The following POLR3A variants were observed in gnomAD, a reference collection of about 807,000 sequenced individuals.
The protein encoded by POLR3A is RNA polymerase III subunit A.
POLR3A carries 112 observed loss-of-function variants against 152.8 expected under a neutral mutation model. The observed-to-expected ratio is 0.73, with a 90% confidence interval of 0.63 to 0.86. POLR3A has a LOEUF of 0.86. POLR3A is among the 40% of genes least tolerant of loss of function. The pLI is 0.00. For synonymous variants in POLR3A, 615 were observed against 652.1 expected (o/e 0.94, Z 0.87); for missense variants, 1,385 against 1,743.1 (o/e 0.79, Z 3.66).
Position 78,025,153 on chromosome 10 carries a change from T to C in POLR3A, c.319-11A>G. The C allele has an allele frequency of 6.2e-7, 1 of 1,614,012 alleles. No homozygotes were observed. On this transcript the variant is annotated splice_polypyrimidine_tract_variant and intron_variant, in intron 3 of 30. Transcript: ENST00000372371. The stretch of plus-strand genomic sequence containing the variant: ...GGTTTTGCAGATCATCTTTTTCAAA[T>C]TAAGCAAGACAGATAAAAGCATAAG...
At chr10:78,026,528 C>T (rs1847636360) in intron 1 of POLR3A, among the ~76,000 whole-genome samples, 1 of 152,224 alleles carries the variant, frequency 6.6e-6, no homozygotes, top group African/African-American at 2.4e-5. Context: ...GCACTGGCAG[C>T]ACCCTGCCCA....
chr10:78,004,142 G>A (rs1390683616), intron 16 of POLR3A, among the ~76,000 whole-genome samples: 1 of 152,116 alleles, frequency 6.6e-6, no homozygotes, highest in Non-Finnish European at 1.5e-5. Flanking sequence ...GGTGAGGCAG[G>A]AGAATTGCTT....
In POLR3A at chr10:77,978,659, A is replaced by AG. The variant is rs796881060; in HGVS notation, c.4025-1034dup. Among the ~76,000 whole-genome samples the AG allele has an allele frequency of 1.6e-4, 22 of 138,852 alleles. 1 individual carries two copies. Among genetic ancestry groups the AG allele is most frequent in the African/African-American group, 5.0e-4 (18 of 35,694 alleles). 91.1% of individuals were successfully genotyped at this position (138,852 alleles called of 152,430 possible). A position where few individuals can be genotyped will look rare whatever the true frequency, so the allele number is the denominator to read the frequency against. ...GCTCCTTTTCTTTTCCCTTCATGCTAGTTTTTTTTTTTTTTTTTTGAGACG... is the reference window on the plus strand; with the variant it reads ...GCTCCTTTTCTTTTCCCTTCATGCTAGGTTTTTTTTTTTTTTTTTTGAGACG... On this transcript the variant is annotated intron_variant, in intron 30 of 30. Coordinates refer to ENST00000372371, the MANE Select transcript of POLR3A (RefSeq NM_007055.4).
Position 78,001,802 on chromosome 10 carries a change from A to AT in POLR3A, c.2359+394dup, listed in dbSNP as rs1051128682. Among the ~76,000 whole-genome samples, 1,146 of 145,970 alleles carry AT rather than the reference A, an allele frequency of 7.9e-3. 10 individuals are homozygous for AT. Among genetic ancestry groups the AT allele is most frequent in the African/African-American group, 0.023 (940 of 40,146 alleles). Reference sequence around the variant, plus strand: ...AGGCACAAGCCACCACGCCCAGCTAATTTTTTTTTTTTTGTATTTTTTGTA... The same window carrying AT: ...AGGCACAAGCCACCACGCCCAGCTAATTTTTTTTTTTTTTGTATTTTTTGTA... On this transcript the variant is annotated intron_variant, in intron 17 of 30. Coordinates refer to ENST00000372371, the MANE Select transcript of POLR3A (RefSeq NM_007055.4).
At chr10:77,990,042 C>T (rs1392063248) in intron 21 of POLR3A, among the ~76,000 whole-genome samples, 1 of 152,088 alleles carries the variant, frequency 6.6e-6, no homozygotes. Context: ...TATTTTTGAT[C>T]TACGGAAAGA....
In POLR3A at chr10:77,977,278, G is replaced by A. The variant is rs532200751; in HGVS notation, c.*200C>T. The A allele has an allele frequency of 8.3e-5, 53 of 642,048 alleles. No homozygotes were observed. In the South Asian group the frequency reaches 9.4e-4, roughly 11 times the overall value. The allele number at this position is 642,048 out of a possible 1,614,324, so 39.8% of individuals were successfully genotyped here. A position where few individuals can be genotyped will look rare whatever the true frequency, so the allele number is the denominator to read the frequency against. On this transcript the variant is annotated 3_prime_UTR_variant, in exon 31 of 31. Coordinates refer to ENST00000372371, the MANE Select transcript of POLR3A (RefSeq NM_007055.4). Reference sequence around the variant, plus strand: ...AAAACCCTCAGCTCTCCCGAGCAGCGTGGCACAGTCAGGGTCACTGGTGTG... The same window carrying A: ...AAAACCCTCAGCTCTCCCGAGCAGCATGGCACAGTCAGGGTCACTGGTGTG...
intron 20 of POLR3A, 29 bp downstream of exon 20, chr10:77,993,168 C>T: frequency 6.3e-7 from 1 of 1,579,734 alleles, no homozygotes; most frequent in African/African-American, 1.3e-5. Flanking sequence ...TAAAAACACT[C>T]TAACCCCAGA....
chr10:78,017,646 G>A lies in POLR3A; in HGVS notation c.1360C>T (p.Leu454Phe), dbSNP rs368681602. ...LKYGDIVERH[L>F]IDGDVVLFNR... ...AACAGCACCACATCTCCATCGATGA[G>A]GTGTCTCTCTACGATGTCACCATAC... Residue 454 changes from leucine (L) to phenylalanine (F), a missense_variant, in exon 10 of 31, where the codon CTC (leucine) becomes TTC (phenylalanine). Physicochemically the swap from Leu to Phe is conservative, Grantham distance 22 (BLOSUM62 0). Coordinates refer to ENST00000372371, the MANE Select transcript of POLR3A (RefSeq NM_007055.4). 4 of 1,613,950 alleles carry A rather than the reference G, an allele frequency of 2.5e-6. No homozygotes were observed. Among genetic ancestry groups the A allele is most frequent in the East Asian group, 2.2e-5 (1 of 44,890 alleles).
chr10:77,985,955 T>C lies in POLR3A; in HGVS notation c.3019A>G (p.Thr1007Ala). ...AGAAACTTTTCTACTTGGGTGGGGG[T>C]GATGCGGTCCAGCTGGTACAGCACA... ...PRVLYQLDRITPTQVEKFLET... is the reference protein window; with the variant it reads ...PRVLYQLDRIAPTQVEKFLET... Residue 1007 changes from threonine to alanine, a missense_variant, in exon 23 of 31, where the codon ACC (threonine) becomes GCC (alanine). By Grantham distance (58) the Thr-to-Ala change is moderately conservative. This residue lies in a region of POLR3A where 178 missense variants were observed against 204.6 expected (regional missense o/e 0.87). Coordinates refer to ENST00000372371, the MANE Select transcript of POLR3A (RefSeq NM_007055.4). The C allele has an allele frequency of 6.2e-7, 1 of 1,613,984 alleles. No homozygotes were observed. Among genetic ancestry groups the C allele is most frequent in the Non-Finnish European group, 8.5e-7 (1 of 1,179,992 alleles).
chr10:78,022,772 T>A (rs898460924), intron 5 of POLR3A, among the ~76,000 whole-genome samples: 1 of 152,154 alleles, frequency 6.6e-6, no homozygotes, highest in African/African-American at 2.4e-5. Context: ...AAAATCACGG[T>A]ATATCCCTAT....
chr10:77,994,964 C>A (rs574680015), intron 19 of POLR3A, among the ~76,000 whole-genome samples: 1 of 152,124 alleles, frequency 6.6e-6, no homozygotes, highest in Non-Finnish European at 1.5e-5. Context: ...GCGGATCTCT[C>A]GGCAGAAACT....
rs1304807412 is a variant in POLR3A at position 77,997,998 on chromosome 10, G to A, written c.2616+1983C>T. Among the ~76,000 whole-genome samples the A allele has an allele frequency of 7.9e-5, 12 of 151,264 alleles. No individual in the cohort carries two copies. The East Asian group carries it at 1.4e-3, about 17-fold the overall frequency. ...GAACAGAGCCCTCAGAAATAATGCC[G>A]CATATCTACAACTATCTGATCTTTG... On this transcript the variant is annotated intron_variant, in intron 19 of 30. Transcript: ENST00000372371.
chr10:78,001,163 G>T, intron 17 of POLR3A, 69 bp from the exon 18 acceptor site: 1 of 855,790 alleles, frequency 1.2e-6, no homozygotes, highest in East Asian at 2.5e-5. Flanking sequence ...CATGCAGATT[G>T]GAAGGGTAAA....
At chr10:78,020,486 T>A (rs1482732108) in intron 8 of POLR3A, among the ~76,000 whole-genome samples, 1 of 144,290 alleles carries the variant, frequency 6.9e-6, no homozygotes, top group Non-Finnish European at 1.5e-5. Flanking sequence ...CGAGAGTCTG[T>A]CTCTTAAAAA....
At chr10:78,008,020 A>AG (rs962254916) in intron 14 of POLR3A, among the ~76,000 whole-genome samples, 154 bp from the exon 15 acceptor site, 25 of 60,630 alleles carry the variant, frequency 4.1e-4, no homozygotes, top group Admixed American at 2.4e-3. Context: ...GGGGGGAGGG[A>AG]GGGGGGGTTA....
rs533685742 is a variant in POLR3A, at chr10:78,020,823, T to C, written c.1185+723A>G. ...AATAAAATAAAAGCCTTTCTGGGTA[T>C]GTAGCAATAGCCTTAAAATGTTCAA... On this transcript the variant is annotated intron_variant, in intron 8 of 30. Coordinates refer to ENST00000372371, the MANE Select transcript of POLR3A (RefSeq NM_007055.4). Among the ~76,000 whole-genome samples the C allele has an allele frequency of 5.3e-5, 8 of 152,264 alleles. No homozygotes were observed. The South Asian group carries it at 1.7e-3, about 32-fold the overall frequency.
chr10:77,988,844 A>C (rs1847221900), intron 21 of POLR3A, among the ~76,000 whole-genome samples: 1 of 152,186 alleles, frequency 6.6e-6, no homozygotes, highest in Non-Finnish European at 1.5e-5. Context: ...CCATTTGATC[A>C]CCAGTTGTTA....
chr10:78,020,640 T>C (rs1240570449), intron 8 of POLR3A, among the ~76,000 whole-genome samples: 1 of 151,548 alleles, frequency 6.6e-6, no homozygotes, highest in Non-Finnish European at 1.5e-5. Flanking sequence ...TACAGAAAAT[T>C]AGCTGCGCAT....
intron 27 of POLR3A, 98 bp from the exon 28 acceptor site, chr10:77,982,416 A>G: frequency 8.4e-7 from 1 of 1,190,028 alleles, no homozygotes; most frequent in Non-Finnish European, 1.3e-6. Flanking sequence ...TCATCTGTTA[A>G]CACACTAGAG....
Sources: gnomAD v4.1 joint callset for allele counts (sites outside exome capture counted in the v4.1 genomes callset) on GRCh38, gnomAD v4.1.1 for gene constraint, gnomAD v4.1.1 regional missense constraint, MANE v1.5 for transcripts, NCBI Gene and HGNC (gene_info 2026-07-23, HGNC 2026-07-21) for gene names.